The following AUTS2 variants were observed in gnomAD, a reference collection of about 807,000 sequenced individuals.
AUTS2 encodes activator of transcription and developmental regulator AUTS2, also known as autism susceptibility gene 2 protein.
A neutral mutation model predicts 112.4 loss-of-function variants in AUTS2; 17 were observed. The observed-to-expected ratio is 0.15, with a 90% CI of 0.10 to 0.23. The LOEUF is 0.23. Ranked by LOEUF, AUTS2 falls within the 10% of genes least tolerant of loss-of-function variation. The pLI, the probability that AUTS2 is intolerant of heterozygous loss-of-function variation, is 1.00. For missense variants in AUTS2, 1,510 were observed against 1,701.6 expected, an observed-to-expected ratio of 0.89 and a Z score of 1.98; for synonymous variants, 751 against 702.7, an observed-to-expected ratio of 1.07 and a Z score of -1.09.
chr7:69,754,633 C>T (rs931278066), intron 1 of AUTS2, among the ~76,000 whole-genome samples: 5 of 152,084 alleles, frequency 3.3e-5, no homozygotes, highest in African/African-American at 1.2e-4. Flanking sequence ...AGGTCATCTC[C>T]AGTGCAGGTG....
intron 1 of AUTS2, among the ~76,000 whole-genome samples, chr7:69,772,590 T>C (rs1020231564): frequency 1.3e-5 from 2 of 152,136 alleles, no homozygotes; most frequent in Non-Finnish European, 2.9e-5. Flanking sequence ...CATACCACCA[T>C]GCCCAGCTAA....
rs116586428 is a variant in AUTS2, at chr7:70,007,432, G to A, written c.522+107934G>A. The stretch of plus-strand genomic sequence containing the variant: ...CTTTTTTTTAGAGTTATGTGTGCCT[G>A]TATTTCTCTTGTATACTTATAAACT... On this transcript the variant is annotated intron_variant, in intron 2 of 18. Coordinates refer to ENST00000342771, the MANE Select transcript of AUTS2 (RefSeq NM_015570.4). 2.2e-3 allele frequency among the ~76,000 whole-genome samples: 338 copies of A among 152,134 alleles called. 1 individual carries two copies. The highest frequency in any genetic ancestry group is 7.5e-3 in the African/African-American group (310 of 41,500).
chr7:70,342,981 G>A (rs776351515), intron 4 of AUTS2, among the ~76,000 whole-genome samples: 1 of 152,060 alleles, frequency 6.6e-6, no homozygotes, highest in Non-Finnish European at 1.5e-5. Flanking sequence ...GAAAGGAGGT[G>A]GCCAGAATCA....
At chr7:69,965,620 T>C (rs1413057352) in intron 2 of AUTS2, among the ~76,000 whole-genome samples, 3 of 152,126 alleles carry the variant, frequency 2.0e-5, no homozygotes, top group African/African-American at 7.2e-5. Flanking sequence ...GGGAGGAACA[T>C]AAGGGCATTC....
chr7:70,102,491 A>G (rs984500290), intron 2 of AUTS2, among the ~76,000 whole-genome samples: 4 of 151,778 alleles, frequency 2.6e-5, no homozygotes, highest in African/African-American at 7.3e-5. Flanking sequence ...GCTGTCAGGT[A>G]TTTTCATATA....
chr7:70,209,255 C>T (rs1810732808), intron 4 of AUTS2, among the ~76,000 whole-genome samples: 1 of 152,100 alleles, frequency 6.6e-6, no homozygotes, highest in South Asian at 2.1e-4. Flanking sequence ...AGGAGTTTAG[C>T]TTGAGCAGCT....
At chr7:69,991,358 C>T (rs1427417983) in intron 2 of AUTS2, among the ~76,000 whole-genome samples, 2 of 152,134 alleles carry the variant, frequency 1.3e-5, no homozygotes, top group Non-Finnish European at 2.9e-5. Context: ...TTTCGTTCAT[C>T]CTTTGGGCTT....
chr7:70,722,372 A>T (rs1423513628), intron 6 of AUTS2, among the ~76,000 whole-genome samples: 1 of 152,070 alleles, frequency 6.6e-6, no homozygotes, highest in Non-Finnish European at 1.5e-5. Context: ...GGGAAGAGGG[A>T]CACGTGGAAA....
chr7:69,850,061 G>C (rs1362160204), intron 1 of AUTS2, among the ~76,000 whole-genome samples: 2 of 151,950 alleles, frequency 1.3e-5, no homozygotes, highest in Non-Finnish European at 2.9e-5. Flanking sequence ...TTGGGAGGCC[G>C]AGGCGGGTGG....
chr7:69,625,750 C>T (rs569570671), intron 1 of AUTS2, among the ~76,000 whole-genome samples: 48 of 151,898 alleles, frequency 3.2e-4, no homozygotes, highest in Admixed American at 1.4e-3. Flanking sequence ...CCTGTCTACT[C>T]GGGAGGCTGA....
chr7:69,916,035 A>G (rs527973358), intron 2 of AUTS2, among the ~76,000 whole-genome samples: 1 of 152,368 alleles, frequency 6.6e-6, no homozygotes, highest in South Asian at 2.1e-4. Flanking sequence ...ATAAAAATTT[A>G]GACTTCAGAT....
chr7:69,991,334 A>G lies in AUTS2; in HGVS notation c.522+91836A>G, dbSNP rs544313273. Among the ~76,000 whole-genome samples, 11 of 152,326 alleles carry G rather than the reference A, an allele frequency of 7.2e-5. No homozygotes were observed. In the East Asian group the frequency reaches 1.7e-3, roughly 24 times the overall value. ...ATGGAAGACAGATCTGGGCACAGCAATGTGAATTGGACATTTCGTTCATCC... is the reference window on the plus strand; with the variant it reads ...ATGGAAGACAGATCTGGGCACAGCAGTGTGAATTGGACATTTCGTTCATCC... On this transcript the variant is annotated intron_variant, in intron 2 of 18. Transcript: ENST00000342771.
chr7:70,493,460 C>A (rs763375704), intron 5 of AUTS2, among the ~76,000 whole-genome samples: 1 of 152,018 alleles, frequency 6.6e-6, no homozygotes, highest in Non-Finnish European at 1.5e-5. Flanking sequence ...TGTCAGAGAG[C>A]CTTCTTAATT....
At chr7:69,816,920 C>T (rs946522807) in intron 1 of AUTS2, among the ~76,000 whole-genome samples, 3 of 152,178 alleles carry the variant, frequency 2.0e-5, no homozygotes, top group Admixed American at 6.5e-5. Context: ...GGCTTTGAAG[C>T]CAGACAGCTG....
At chr7:70,750,520 C>T (rs1407024835) in intron 6 of AUTS2, among the ~76,000 whole-genome samples, 1 of 151,174 alleles carries the variant, frequency 6.6e-6, no homozygotes, top group Admixed American at 6.6e-5. Context: ...CCCACCTCAG[C>T]CTCCTGAGTA....
At chr7:69,665,794 A>G (rs953315885) in intron 1 of AUTS2, among the ~76,000 whole-genome samples, 1 of 151,826 alleles carries the variant, frequency 6.6e-6, no homozygotes, top group African/African-American at 2.4e-5. Context: ...CATATTTGCC[A>G]GAAATCAGCT....
chr7:69,688,121 T>G (rs1797145097), intron 1 of AUTS2, among the ~76,000 whole-genome samples: 2 of 152,272 alleles, frequency 1.3e-5, no homozygotes, highest in Non-Finnish European at 2.9e-5. Context: ...AAACTTATGT[T>G]TACATGTGTA....
Position 69,599,538 on chromosome 7 carries a change from C to A in AUTS2, c.-116C>A, listed in dbSNP as rs1256264863. The A allele has an allele frequency of 1.3e-5, 14 of 1,042,554 alleles. No individual in the cohort carries two copies. Among genetic ancestry groups the A allele is most frequent in the Admixed American group, 4.4e-5 (1 of 22,638 alleles). 64.6% of individuals were successfully genotyped at this position (1,042,554 alleles called of 1,614,324 possible). A position where few individuals can be genotyped will look rare whatever the true frequency, so the allele number is the denominator to read the frequency against. ...CGGCCGCCGTCTCCCCCGCGCCCTC[C>A]TCGGGGCGGAGGGAAGCCGTGAAGG... On this transcript the variant is annotated 5_prime_UTR_variant, in exon 1 of 19. Coordinates refer to ENST00000342771, the MANE Select transcript of AUTS2 (RefSeq NM_015570.4). The surrounding 1 kb of genome is among the most constrained non-coding windows in gnomAD (Gnocchi z 7.0).
At chr7:70,214,871 T>C (rs1258298292) in intron 4 of AUTS2, among the ~76,000 whole-genome samples, 1 of 152,262 alleles carries the variant, frequency 6.6e-6, no homozygotes, top group Admixed American at 6.5e-5. Context: ...AAATTACTTT[T>C]CTTGTAGCTT....
Sources: allele counts gnomAD v4.1 joint callset (sites outside exome capture counted in the v4.1 genomes callset), GRCh38; gene constraint gnomAD v4.1.1; non-coding constraint Gnocchi (gnomAD v3.1); transcripts MANE v1.5; gene names NCBI Gene and HGNC (gene_info 2026-07-23, HGNC 2026-07-21).